Variants in CTIF observed in about 807,000 individuals in gnomAD.
The protein encoded by CTIF is CBP80/20-dependent translation initiation factor.
In CTIF, 21 loss-of-function variants were observed where a neutral mutation model predicts 66.0. The ratio of observed to expected loss-of-function variants is 0.32; its 90% CI spans 0.23 to 0.46. The LOEUF (loss-of-function observed/expected upper bound fraction) is 0.46, where lower values mean the gene tolerates loss of function less well. Among genes scored for constraint, CTIF ranks in the 20% least tolerant of loss-of-function variants. The pLI, the probability that CTIF is intolerant of heterozygous loss-of-function variation, is 1.00. For missense variants in CTIF, 739 were observed against 812.7 expected (o/e 0.91, Z 1.10); for synonymous variants, 345 against 326.4 (o/e 1.06, Z -0.62).
intron 8 of CTIF, chr18:48,760,397 C>G (rs931332118): frequency 6.6e-6 from 1 of 152,082 alleles, no homozygotes; most frequent in Non-Finnish European, 1.5e-5. Flanking sequence ...TATAGATTTT[C>G]TCGTCTAACC....
At chr18:48,847,286 G>A (rs1032658320) in intron 10 of CTIF, among the ~76,000 whole-genome samples, 5 of 137,726 alleles carry the variant, frequency 3.6e-5, no homozygotes, top group Non-Finnish European at 6.1e-5. Context: ...CCAGCCTGGT[G>A]ACAGAGCAAG....
At chr18:48,811,623 G>A (rs1357761197) in intron 9 of CTIF, among the ~76,000 whole-genome samples, 2 of 152,018 alleles carry the variant, frequency 1.3e-5, no homozygotes, top group Admixed American at 1.3e-4. Flanking sequence ...TATGGGTTTG[G>A]CTACTTTAGA....
Position 48,861,075 on chromosome 18 carries a change from C to T in CTIF, c.*1516C>T, listed in dbSNP as rs1330925826. On this transcript the variant is annotated 3_prime_UTR_variant, in exon 12 of 12. Coordinates refer to ENST00000256413, the MANE Select transcript of CTIF (RefSeq NM_014772.3). ...GGTCACTTTGGAGGCCCCTCTTGGT[C>T]CACACTGGACTGGCCGGGAGGTGAT... 6.6e-6 allele frequency: 1 copy of T among 152,266 alleles called. No individual in the cohort carries two copies. Among genetic ancestry groups the T allele is most frequent in the Non-Finnish European group, 1.5e-5 (1 of 68,096 alleles). 9.4% of individuals were successfully genotyped at this position (152,266 alleles called of 1,614,324 possible).
intron 10 of CTIF, among the ~76,000 whole-genome samples, chr18:48,839,177 C>T (rs2068881525): frequency 6.6e-6 from 1 of 152,168 alleles, no homozygotes; most frequent in African/African-American, 2.4e-5. Context: ...ATTACCCCAC[C>T]AGCCCTCTCA....
At chr18:48,626,239 G>A (rs373781817) in intron 2 of CTIF, among the ~76,000 whole-genome samples, 2 of 152,176 alleles carry the variant, frequency 1.3e-5, no homozygotes, top group South Asian at 2.1e-4. Flanking sequence ...TGACCCAGGT[G>A]ATCCACCTGC....
chr18:48,620,127 C>T (rs1297222041), intron 2 of CTIF, among the ~76,000 whole-genome samples: 1 of 152,234 alleles, frequency 6.6e-6, no homozygotes, highest in Admixed American at 6.5e-5. Context: ...CATCAAAGAA[C>T]TATAACTTGT....
chr18:48,616,073 G>A (rs58620712), intron 1 of CTIF, among the ~76,000 whole-genome samples: 3,237 of 152,272 alleles, frequency 0.021, 124 homozygotes, highest in African/African-American at 0.071. Context: ...CCGCAGAGCC[G>A]GCCAGAGGCT....
intron 1 of CTIF, among the ~76,000 whole-genome samples, chr18:48,559,710 A>C (rs556429274): frequency 2.6e-5 from 4 of 152,186 alleles, no homozygotes; most frequent in Non-Finnish European, 4.4e-5. Flanking sequence ...TTTCTCCACA[A>C]GGCTGCTTGG....
intron 6 of CTIF, among the ~76,000 whole-genome samples, chr18:48,707,393 A>G (rs968700623): frequency 6.6e-6 from 1 of 152,196 alleles, no homozygotes; most frequent in African/African-American, 2.4e-5. Context: ...CCTTCCTGTC[A>G]TTGGGTGCCA....
chr18:48,795,156 G>C (rs2067886214), intron 9 of CTIF, among the ~76,000 whole-genome samples: 1 of 152,144 alleles, frequency 6.6e-6, no homozygotes, highest in African/African-American at 2.4e-5. Flanking sequence ...TGGCTGGCAA[G>C]CTTACCTTTT....
intron 5 of CTIF, among the ~76,000 whole-genome samples, chr18:48,669,793 TTATATATATA>T (rs57715945): frequency 0.03 from 1,425 of 47,186 alleles, 65 homozygotes; most frequent in African/African-American, 0.092. Context: ...AGCTAAACAT[TTATATATATA>T]TATATATATA....
At chr18:48,677,755 G>A (rs1014788484) in intron 6 of CTIF, among the ~76,000 whole-genome samples, 9 of 152,118 alleles carry the variant, frequency 5.9e-5, no homozygotes, top group Non-Finnish European at 1.0e-4. Context: ...TCCCAGTGGA[G>A]TGTACGTTCC....
At chr18:48,749,224 G>A (rs1314249361) in intron 7 of CTIF, among the ~76,000 whole-genome samples, 1 of 152,226 alleles carries the variant, frequency 6.6e-6, no homozygotes, top group Non-Finnish European at 1.5e-5. Flanking sequence ...AGACAGCAGA[G>A]GGCCAGCTAA....
intron 3 of CTIF, among the ~76,000 whole-genome samples, chr18:48,652,459 C>T (rs1349776640): frequency 6.6e-6 from 1 of 152,128 alleles, no homozygotes; most frequent in Non-Finnish European, 1.5e-5. Flanking sequence ...CTGAATAGAC[C>T]AATAACAGGC....
At chr18:48,701,535 C>T (rs1477430091) in intron 6 of CTIF, among the ~76,000 whole-genome samples, 1 of 152,146 alleles carries the variant, frequency 6.6e-6, no homozygotes, top group Non-Finnish European at 1.5e-5. Context: ...CTCCGTCCCC[C>T]AGCCCCCAGT....
intron 7 of CTIF, among the ~76,000 whole-genome samples, chr18:48,735,368 T>TA (rs2092491668): frequency 1.3e-5 from 2 of 152,234 alleles, no homozygotes; most frequent in South Asian, 4.1e-4. Flanking sequence ...AGTGAAGAAT[T>TA]AGAGCCAGTG....
At chr18:48,578,579 G>A (rs183146054) in intron 1 of CTIF, among the ~76,000 whole-genome samples, 10 of 152,294 alleles carry the variant, frequency 6.6e-5, no homozygotes, top group East Asian at 3.9e-4. Context: ...GACTAATGAC[G>A]TTGAACATCT....
At chr18:48,846,674 GATGA>G (rs1372282142) in intron 10 of CTIF, among the ~76,000 whole-genome samples, 1 of 150,238 alleles carries the variant, frequency 6.7e-6, no homozygotes, top group African/African-American at 2.4e-5. Flanking sequence ...TGGATGGATG[GATGA>G]ATAGGTGAGT....
intron 5 of CTIF, among the ~76,000 whole-genome samples, chr18:48,668,352 T>C (rs1203335626): frequency 6.6e-6 from 1 of 152,300 alleles, no homozygotes; most frequent in Non-Finnish European, 1.5e-5. Context: ...CCTCCTCCCC[T>C]ATGGCCCAGG....
Sources: allele counts gnomAD v4.1 joint callset (sites outside exome capture counted in the v4.1 genomes callset), GRCh38; gene constraint gnomAD v4.1.1; transcripts MANE v1.5; gene names NCBI Gene and HGNC (gene_info 2026-07-23, HGNC 2026-07-21).